The following SASH1 variants were observed in gnomAD, a reference collection of about 807,000 sequenced individuals.
SASH1 encodes the protein SAM and SH3 domain containing 1.
In SASH1, 44 loss-of-function variants were observed where a neutral mutation model predicts 125.2. That is an observed-to-expected ratio of 0.35 (90% CI 0.28 to 0.45). The LOEUF is 0.45. Among genes scored for constraint, SASH1 ranks in the 20% least tolerant of loss-of-function variants. SASH1 has a pLI of 1.00. For missense variants in SASH1, 1,426 were observed against 1,614.5 expected (o/e 0.88, Z 2.00); for synonymous variants, 639 against 649.1 (o/e 0.98, Z 0.24).
At chr6:148,365,701 G>A (rs1003867803) in intron 1 of SASH1, among the ~76,000 whole-genome samples, 3 of 152,056 alleles carry the variant, frequency 2.0e-5, no homozygotes, top group Non-Finnish European at 4.4e-5. Context: ...TTGCCTGGGT[G>A]TAGTGGCTCA....
intron 1 of SASH1, among the ~76,000 whole-genome samples, chr6:148,293,270 T>C (rs1255947158): frequency 6.6e-6 from 1 of 152,214 alleles, no homozygotes; most frequent in Non-Finnish European, 1.5e-5. Context: ...AGACTAGCAC[T>C]GAGCAAAGAT....
chr6:148,470,400 C>T (rs78785901), intron 5 of SASH1, among the ~76,000 whole-genome samples: 10,259 of 152,286 alleles, frequency 0.067, 447 homozygotes, highest in Non-Finnish European at 0.097. Flanking sequence ...CTTCGCTGGG[C>T]CCTGTTTCCA....
the SASH1 span, among the ~76,000 whole-genome samples, chr6:148,242,188 T>A: frequency 1.3e-5 from 2 of 152,210 alleles, no homozygotes; most frequent in African/African-American, 4.8e-5. Context: ...AGGACTTGAC[T>A]AGTAGTGCTA....
chr6:148,293,354 T>G (rs1427348278), intron 1 of SASH1, among the ~76,000 whole-genome samples: 1 of 152,166 alleles, frequency 6.6e-6, no homozygotes, highest in Admixed American at 6.5e-5. Context: ...CATCTCCGAT[T>G]GGTTTGCAGT....
intron 1 of SASH1, among the ~76,000 whole-genome samples, chr6:148,290,885 TAA>T (rs58070477): frequency 1.4e-5 from 2 of 138,758 alleles, no homozygotes; most frequent in Admixed American, 7.2e-5. Flanking sequence ...AAAAAAAAGT[TAA>T]AAAAAAAAAA....
chr6:148,513,394 C>T (rs971577956), intron 8 of SASH1: 10 of 985,328 alleles, frequency 1.0e-5, no homozygotes, highest in Non-Finnish European at 1.2e-5. Flanking sequence ...GTGTTGCACA[C>T]TCGTTTAGTC....
At chr6:148,545,723 A>G (rs1392941900) in intron 18 of SASH1, among the ~76,000 whole-genome samples, 2 of 152,146 alleles carry the variant, frequency 1.3e-5, no homozygotes, top group Non-Finnish European at 2.9e-5. Context: ...ATAAAGATGT[A>G]AAAGTATTCC....
At chr6:148,508,403 T>G (rs975601967) in intron 8 of SASH1, 3 of 886,340 alleles carry the variant, frequency 3.4e-6, no homozygotes, top group Non-Finnish European at 4.1e-6. Context: ...TTGTCCTGGA[T>G]TTGCTCAGAT....
chr6:148,431,055 G>T (rs1403396128), intron 2 of SASH1, among the ~76,000 whole-genome samples: 3 of 152,226 alleles, frequency 2.0e-5, no homozygotes, highest in Non-Finnish European at 4.4e-5. Flanking sequence ...TTTCCATGCA[G>T]CCGTATGCTG....
chr6:148,383,765 A>G (rs1783249572), intron 1 of SASH1, among the ~76,000 whole-genome samples: 1 of 152,188 alleles, frequency 6.6e-6, no homozygotes. Flanking sequence ...TAGGTTTTCC[A>G]TTTTCCAGAG....
At chr6:148,307,986 G>A (rs1010246823) in intron 1 of SASH1, among the ~76,000 whole-genome samples, 7 of 152,092 alleles carry the variant, frequency 4.6e-5, no homozygotes, top group Non-Finnish European at 7.4e-5. Flanking sequence ...CAGAAAACAC[G>A]GAAGAGAGAC....
intron 8 of SASH1, among the ~76,000 whole-genome samples, chr6:148,504,191 G>A (rs1056952035): frequency 3.9e-5 from 6 of 152,292 alleles, no homozygotes; most frequent in Non-Finnish European, 1.5e-5. Flanking sequence ...GGAGTTAGGG[G>A]TGTGGATGCA....
the SASH1 span, among the ~76,000 whole-genome samples, chr6:148,259,219 A>G: frequency 6.6e-6 from 1 of 152,284 alleles, no homozygotes; most frequent in South Asian, 2.1e-4. Context: ...AAAGATTCGG[A>G]AAGTTAAAAC....
intron 1 of SASH1, among the ~76,000 whole-genome samples, chr6:148,326,054 G>T: frequency 6.9e-6 from 1 of 144,636 alleles, no homozygotes; most frequent in African/African-American, 2.6e-5. Flanking sequence ...TTTTGAGACA[G>T]TCTCACTCTG....
chr6:148,511,953 G>A (rs932748736), intron 8 of SASH1, among the ~76,000 whole-genome samples: 2 of 151,900 alleles, frequency 1.3e-5, no homozygotes, highest in Admixed American at 1.3e-4. Context: ...ACAGCTTCTT[G>A]TATTTTGATT....
At chr6:148,320,297 C>G (rs1780604678) in intron 1 of SASH1, among the ~76,000 whole-genome samples, 1 of 152,194 alleles carries the variant, frequency 6.6e-6, no homozygotes, top group East Asian at 1.9e-4. Flanking sequence ...CTGAAAAGAG[C>G]TGATTGGTGC....
chr6:148,318,639 G>C (rs906546551), intron 1 of SASH1, among the ~76,000 whole-genome samples: 1 of 129,336 alleles, frequency 7.7e-6, no homozygotes, highest in Non-Finnish European at 1.7e-5. Context: ...TGCAAGCTCC[G>C]CCTCCCGGGT....
chr6:148,436,914 G>A (rs1262137329), intron 2 of SASH1, among the ~76,000 whole-genome samples: 1 of 152,176 alleles, frequency 6.6e-6, no homozygotes, highest in Non-Finnish European at 1.5e-5. Context: ...AGGAGAGAAG[G>A]TTCTTATTTC....
chr6:148,272,589 T>G (rs912096567), intron 1 of SASH1, among the ~76,000 whole-genome samples: 1 of 152,196 alleles, frequency 6.6e-6, no homozygotes, highest in Non-Finnish European at 1.5e-5. Flanking sequence ...TTTGCCATTT[T>G]TGTGACTTAC....
Sources: allele counts gnomAD v4.1 joint callset (sites outside exome capture counted in the v4.1 genomes callset), GRCh38; gene constraint gnomAD v4.1.1; transcripts MANE v1.5; gene names NCBI Gene and HGNC (gene_info 2026-07-23, HGNC 2026-07-21).